The following ATG4C variants were observed in gnomAD, a reference collection of about 807,000 sequenced individuals.
The protein encoded by ATG4C is autophagy related 4C cysteine peptidase.
In ATG4C, 56 loss-of-function variants were observed where a neutral mutation model predicts 57.6. That is an observed-to-expected ratio of 0.97 (90% CI 0.78 to 1.21). The LOEUF (loss-of-function observed/expected upper bound fraction) is 1.21, where lower values mean the gene tolerates loss of function less well. ATG4C is among the 50% of genes most tolerant of loss of function. The pLI, the probability that ATG4C is intolerant of heterozygous loss-of-function variation, is 0.00. For synonymous variants in ATG4C, 157 were observed against 174.1 expected (o/e 0.90, Z 0.78); for missense variants, 595 against 529.8 (o/e 1.12, Z -1.21).
intron 10 of ATG4C, among the ~76,000 whole-genome samples, chr1:62,857,021 G>A (rs992107728): frequency 2.0e-5 from 3 of 152,106 alleles, no homozygotes; most frequent in African/African-American, 7.2e-5. Flanking sequence ...TGCAAAGTTT[G>A]CTGGCATCCT....
intron 10 of ATG4C, among the ~76,000 whole-genome samples, chr1:62,851,879 T>A (rs894348610): frequency 6.6e-6 from 1 of 152,196 alleles, no homozygotes; most frequent in African/African-American, 2.4e-5. Context: ...GCAACAGCAG[T>A]CGTGGTGGTG....
chr1:62,845,928 C>T lies in ATG4C; in HGVS notation c.1209+4381C>T, dbSNP rs553342813. Reference sequence around the variant, plus strand: ...TGTTGACCAAGCTGGTCTTGAATTCCTGACCTCAGGTGATCCTCCTGTGTC... The same window carrying T: ...TGTTGACCAAGCTGGTCTTGAATTCTTGACCTCAGGTGATCCTCCTGTGTC... On this transcript the variant is annotated intron_variant, in intron 10 of 10. Transcript: ENST00000317868. Among the ~76,000 whole-genome samples, 3 of 152,250 alleles carry T rather than the reference C, an allele frequency of 2.0e-5. No individual in the cohort carries two copies. The East Asian group carries it at 5.8e-4, about 29-fold the overall frequency.
At chr1:62,825,275 C>G (rs1557977189) in intron 6 of ATG4C, among the ~76,000 whole-genome samples, 1 of 151,106 alleles carries the variant, frequency 6.6e-6, no homozygotes, top group Non-Finnish European at 1.5e-5. Flanking sequence ...TTGTGCCCAC[C>G]CCAAAACTGC....
intron 9 of ATG4C, chr1:62,835,364 C>A: frequency 3.0e-6 from 1 of 335,062 alleles, no homozygotes; most frequent in Non-Finnish European, 6.1e-6. Flanking sequence ...TATTTCTTAA[C>A]CTCTTCTTTT....
intron 3 of ATG4C, among the ~76,000 whole-genome samples, chr1:62,808,829 A>G (rs1221625114): frequency 6.6e-6 from 1 of 152,228 alleles, no homozygotes; most frequent in East Asian, 1.9e-4. Flanking sequence ...ACATTTACTG[A>G]CGCTGTGATA....
chr1:62,784,656 A>G (rs1664023586), intron 1 of ATG4C, among the ~76,000 whole-genome samples: 1 of 152,198 alleles, frequency 6.6e-6, no homozygotes, highest in Non-Finnish European at 1.5e-5. Flanking sequence ...AAAGGGAAAT[A>G]ATAATAATAA....
In ATG4C at chr1:62,803,733, T is replaced by G; in HGVS notation, c.-54T>G. The G allele has an allele frequency of 7.8e-7, 1 of 1,284,680 alleles. No homozygotes were observed. Among genetic ancestry groups the G allele is most frequent in the Non-Finnish European group, 1.1e-6 (1 of 911,096 alleles). The allele number at this position is 1,284,680 out of a possible 1,614,324, so 79.6% of individuals were successfully genotyped here. A position where few individuals can be genotyped will look rare whatever the true frequency, so the allele number is the denominator to read the frequency against. On this transcript the variant is annotated 5_prime_UTR_variant, in exon 2 of 11. In the 5' UTR this introduces an upstream ATG that the reference lacks. Transcript: ENST00000317868. ...AATTTTTAAAGTCAGTATAAAAGAT[T>G]AAACTCTACAGAAGAATGCAATCAA...
chr1:62,821,208 A>G lies in ATG4C; in HGVS notation c.795A>G (p.Thr265=). The change falls in exon 6 of 11, where the codon ACA becomes ACG. Residue 265 remains threonine (T), a splice_region_variant and synonymous_variant. Transcript: ENST00000317868. ...GITIYVAQDC[T]VYNSDVIDKQ... is the part of the protein sequence containing the mutation. ...CTATTTATGTTGCACAAGATTGTAC[A>G]GGTAAGGAATGTATATAATTCTAAT... is the stretch of plus-strand genomic sequence containing the variant. The G allele has an allele frequency of 1.3e-6, 2 of 1,576,308 alleles. No individual in the cohort carries two copies. The highest frequency in any genetic ancestry group is 1.7e-6 in the Non-Finnish European group (2 of 1,163,032).
rs1205722620 is a variant in ATG4C at position 62,864,110 on chromosome 1, A to G, written c.1328A>G (p.Glu443Gly). Residue 443 changes from glutamate (E) to glycine (G), a missense_variant, in exon 11 of 11, where the codon GAA becomes GGA. By Grantham distance (98) the Glu-to-Gly change is moderately conservative (BLOSUM62 -2). Coordinates refer to ENST00000317868, the MANE Select transcript of ATG4C (RefSeq NM_032852.4). ...GAAGAAGACCTTTTTTCAGAGGATG[A>G]AAAGAAACAATTAAAAAGATTTAGC... The part of the protein sequence containing the change: ...TNEEDLFSED[E>G]KKQLKRFSTE... The G allele has an allele frequency of 8.1e-6, 13 of 1,608,792 alleles. No individual in the cohort carries two copies. The highest frequency in any genetic ancestry group is 1.7e-5 in the Admixed American group (1 of 58,742).
intron 1 of ATG4C, among the ~76,000 whole-genome samples, chr1:62,791,867 A>G (rs1664285231): frequency 6.6e-6 from 1 of 150,924 alleles, no homozygotes; most frequent in African/African-American, 2.5e-5. Context: ...TAATGGAACC[A>G]TTATGCTCCT....
chr1:62,850,281 T>C lies in ATG4C; in HGVS notation c.1209+8734T>C, dbSNP rs1477853464. Among the ~76,000 whole-genome samples the C allele has an allele frequency of 2.0e-5, 3 of 152,128 alleles. No homozygotes were observed. In the East Asian group the frequency reaches 5.8e-4, roughly 29 times the overall value. ...AGAATTTGATAATTTCTCACCACTC[T>C]CATTATTACCCTGGCCCATCCTCAC... On this transcript the variant is annotated intron_variant, in intron 10 of 10. Transcript: ENST00000317868.
At chr1:62,824,127 A>G (rs1665571170) in intron 6 of ATG4C, among the ~76,000 whole-genome samples, 1 of 152,278 alleles carries the variant, frequency 6.6e-6, no homozygotes, top group South Asian at 2.1e-4. Context: ...TATGTCATAT[A>G]CCTTACATAT....
At position 62,861,576 on chromosome 1, in the gene ATG4C, AACACACACACACACACAC is replaced by A. The variant is rs57225222; in HGVS notation, c.1210-2382_1210-2365del. Reference sequence around the variant, plus strand: ...CAGAAGAAAGAAGCTTGGAAAATAGAACACACACACACACACACACACACACACACACACACACACACA... The same window carrying A: ...CAGAAGAAAGAAGCTTGGAAAATAGAACACACACACACACACACACACACA... On this transcript the variant is annotated intron_variant, in intron 10 of 10. Coordinates refer to ENST00000317868, the MANE Select transcript of ATG4C (RefSeq NM_032852.4). Among the ~76,000 whole-genome samples the A allele has an allele frequency of 6.0e-3, 805 of 133,562 alleles. 10 individuals carry two copies. The highest frequency in any genetic ancestry group is 0.021 in the African/African-American group (748 of 35,004). 87.6% of individuals were successfully genotyped at this position (133,562 alleles called of 152,430 possible). A position where few individuals can be genotyped will look rare whatever the true frequency, so the allele number is the denominator to read the frequency against.
chr1:62,811,728 C>T (rs1269238735), intron 3 of ATG4C, among the ~76,000 whole-genome samples: 2 of 152,144 alleles, frequency 1.3e-5, no homozygotes, highest in Non-Finnish European at 2.9e-5. Flanking sequence ...AATGATTTAA[C>T]ATCTATCGTT....
intron 1 of ATG4C, among the ~76,000 whole-genome samples, chr1:62,802,847 A>G (rs894715443): frequency 1.3e-5 from 2 of 152,230 alleles, no homozygotes; most frequent in Admixed American, 1.3e-4. Context: ...GCTCAGAACT[A>G]TGATGTATAA....
At chr1:62,802,147 C>T (rs1394909434) in intron 1 of ATG4C, among the ~76,000 whole-genome samples, 4 of 151,934 alleles carry the variant, frequency 2.6e-5, no homozygotes, top group African/African-American at 4.8e-5. Context: ...CACACCAAAG[C>T]CTGGGTATAT....
At position 62,785,425 on chromosome 1, in the gene ATG4C, A is replaced by G. The variant is rs72669545; in HGVS notation, c.-69+1152A>G. On this transcript the variant is annotated intron_variant, in intron 1 of 10. Coordinates refer to ENST00000317868, the MANE Select transcript of ATG4C (RefSeq NM_032852.4). ...AAAAGTGGCCCATCTAAAGAATTGT[A>G]TAATTTAGCAAAAAGTCATTAAAAG... 3.0e-3 allele frequency among the ~76,000 whole-genome samples: 456 copies of G among 152,346 alleles called. 4 individuals carry two copies. Among genetic ancestry groups the G allele is most frequent in the South Asian group, 5.0e-3 (24 of 4,832 alleles).
chr1:62,810,831 G>A (rs1002215944), intron 3 of ATG4C, among the ~76,000 whole-genome samples: 8 of 151,354 alleles, frequency 5.3e-5, no homozygotes, highest in Admixed American at 2.6e-4. Flanking sequence ...ACAGATACAT[G>A]TTTTCAGTGT....
intron 7 of ATG4C, 108 bp from the exon 8 acceptor site, chr1:62,833,930 C>A: frequency 1.2e-6 from 1 of 860,658 alleles, no homozygotes; most frequent in South Asian, 1.8e-5. Context: ...TAAATGATAA[C>A]TGGTAGTGGT....
Sources: allele counts gnomAD v4.1 joint callset (sites outside exome capture counted in the v4.1 genomes callset), GRCh38; gene constraint gnomAD v4.1.1; transcripts MANE v1.5; gene names NCBI Gene and HGNC (gene_info 2026-07-23, HGNC 2026-07-21).